PCDHGA3: variants seen among roughly 807,000 people sequenced by gnomAD.
The protein encoded by PCDHGA3 is protocadherin gamma subfamily A, 3.
PCDHGA3 carries 40 observed loss-of-function variants against 58.5 expected under a neutral mutation model. The ratio of observed to expected loss-of-function variants is 0.68; its 90% CI spans 0.53 to 0.89. The LOEUF is 0.89. Among genes scored for constraint, PCDHGA3 ranks in the 40% least tolerant of loss-of-function variants. The probability of loss-of-function intolerance (pLI) is 0.00; values close to 1 mark genes in which losing one functional copy is unlikely to be tolerated. For missense variants in PCDHGA3, 1,223 were observed against 1,195.9 expected (o/e 1.02, Z -0.33); for synonymous variants, 530 against 525.7 (o/e 1.01, Z -0.11).
chr5:141,391,030 G>A (rs2092291091), intron 1 of PCDHGA3: 1 of 152,184 alleles, frequency 6.6e-6, no homozygotes, highest in Non-Finnish European at 1.5e-5. Flanking sequence ...AAAAGACAAT[G>A]TTTTGTGTCT....
At position 141,356,788 on chromosome 5, in the gene PCDHGA3, C is replaced by A. The variant is rs553457447; in HGVS notation, c.2424+10331C>A. 6 of 1,614,038 alleles carry A rather than the reference C, an allele frequency of 3.7e-6. No individual in the cohort carries two copies. Among genetic ancestry groups the A allele is most frequent in the East Asian group, 4.5e-5 (2 of 44,876 alleles). On this transcript the variant is annotated intron_variant, in intron 1 of 3. Coordinates refer to ENST00000253812, the MANE Select transcript of PCDHGA3 (RefSeq NM_018916.4). ...CTATGAGCAGTTTAGAGACCTGCAG[C>A]TGCTGATGACAGCCAGTGACAGTGG...
At chr5:141,389,883 C>A in intron 1 of PCDHGA3, 1 of 1,614,084 alleles carries the variant, frequency 6.2e-7, no homozygotes. Context: ...CGACAGCTTG[C>A]AGGAGGTGCT....
intron 1 of PCDHGA3, among the ~76,000 whole-genome samples, chr5:141,402,590 A>G (rs1379327637): frequency 6.6e-6 from 1 of 152,238 alleles, no homozygotes; most frequent in Admixed American, 6.5e-5. Flanking sequence ...TAAAAAATAG[A>G]TTGCTTTTGA....
intron 1 of PCDHGA3, chr5:141,441,477 C>T (rs529495102): frequency 1.2e-4 from 20 of 170,782 alleles, no homozygotes; most frequent in Middle Eastern, 5.7e-4. Context: ...ATGCCAACGA[C>T]AATGCTCTGG....
At position 141,431,391 on chromosome 5, in the gene PCDHGA3, T is replaced by C; in HGVS notation, c.2425-63416T>C. Reference sequence around the variant, plus strand: ...GAAGAAAAGGCTGCTCACCACCTGGTCCTTACGGCCTCCGACGGGGGCGAC... The same window carrying C: ...GAAGAAAAGGCTGCTCACCACCTGGCCCTTACGGCCTCCGACGGGGGCGAC... On this transcript the variant is annotated intron_variant, in intron 1 of 3. Transcript: ENST00000253812. The surrounding 1 kb of genome is among the most constrained non-coding windows in gnomAD (Gnocchi z 4.8). 1 of 1,613,852 alleles carries C rather than the reference T, an allele frequency of 6.2e-7. No homozygotes were observed.
intron 1 of PCDHGA3, chr5:141,367,919 A>G (rs1225899144): frequency 1.3e-5 from 2 of 152,164 alleles, no homozygotes; most frequent in Non-Finnish European, 2.9e-5. Flanking sequence ...AAAAAAAAGA[A>G]CTCAACTTAA....
intron 1 of PCDHGA3, among the ~76,000 whole-genome samples, chr5:141,470,814 A>T (rs1170059292): frequency 2.6e-5 from 4 of 152,006 alleles, no homozygotes; most frequent in Admixed American, 6.5e-5. Context: ...CAGCCTTCTG[A>T]GTAGTTAGGA....
Position 141,486,885 on chromosome 5 carries a change from G to A in PCDHGA3, c.2425-7922G>A, listed in dbSNP as rs139638334. On this transcript the variant is annotated intron_variant, in intron 1 of 3. Transcript: ENST00000253812. The surrounding 1 kb of genome is among the most constrained non-coding windows in gnomAD (Gnocchi z 5.0). ...CCAGCTGTGCTCCGTCCTCGGGCCC[G>A]GCCTGGTTCCTTATGTCCCCAAGCA... is the stretch of plus-strand genomic sequence containing the variant. 16 of 1,614,076 alleles carry A rather than the reference G, an allele frequency of 9.9e-6. No individual in the cohort carries two copies. The highest frequency in any genetic ancestry group is 1.6e-4 in the Middle Eastern group (1 of 6,084).
chr5:141,494,882 C>T lies in PCDHGA3; in HGVS notation c.2483+17C>T, dbSNP rs771484301. On this transcript the variant is annotated intron_variant, in intron 2 of 3. Transcript: ENST00000253812. ...CACCAGCGGGTAGGTGACTGATTCT[C>T]CAGCCCACCCTCTTCTCTGCGGCAT... is the stretch of plus-strand genomic sequence containing the variant. 35 of 1,614,128 alleles carry T rather than the reference C, an allele frequency of 2.2e-5. No homozygotes were observed. The highest frequency in any genetic ancestry group is 3.3e-4 in the Middle Eastern group (2 of 6,060).
At chr5:141,405,385 A>G in intron 1 of PCDHGA3, 1 of 1,600,058 alleles carries the variant, frequency 6.2e-7, no homozygotes, top group Non-Finnish European at 8.5e-7. Flanking sequence ...CGGTGAGTTC[A>G]TTTTTTTTCT....
At chr5:141,404,437 C>T in intron 1 of PCDHGA3, 3 of 1,613,094 alleles carry the variant, frequency 1.9e-6, no homozygotes, top group Non-Finnish European at 2.5e-6. Context: ...CAGAGGATAC[C>T]ATCCAAGGGT....
intron 1 of PCDHGA3, chr5:141,384,711 G>A (rs765373675): frequency 2.5e-6 from 4 of 1,614,042 alleles, no homozygotes; most frequent in East Asian, 2.2e-5. Flanking sequence ...ACGCCTGGCT[G>A]TCATACCTCC....
At chr5:141,452,412 T>G (rs1009940351) in intron 1 of PCDHGA3, among the ~76,000 whole-genome samples, 2 of 152,222 alleles carry the variant, frequency 1.3e-5, no homozygotes, top group Non-Finnish European at 2.9e-5. Context: ...GTGTGAGGTA[T>G]GCTCACTGCT....
intron 1 of PCDHGA3, chr5:141,383,874 T>C: frequency 1.2e-6 from 2 of 1,614,012 alleles, no homozygotes; most frequent in Non-Finnish European, 1.7e-6. Context: ...AAGATGGTCC[T>C]GGTAGTCTGA....
rs2096271749 is a variant in PCDHGA3, at chr5:141,418,581, T to G, written c.2424+72124T>G. On this transcript the variant is annotated intron_variant, in intron 1 of 3. Coordinates refer to ENST00000253812, the MANE Select transcript of PCDHGA3 (RefSeq NM_018916.4). The stretch of plus-strand genomic sequence containing the variant: ...ATAGATGCCAATGACAACCCCCCAG[T>G]GTTCAGCCAGGACGTGTACAGGGTT... The G allele has an allele frequency of 2.5e-6, 4 of 1,613,854 alleles. No homozygotes were observed. The South Asian group carries it at 4.4e-5, about 18-fold the overall frequency.
At chr5:141,409,863 A>G in intron 1 of PCDHGA3, 3 of 1,612,376 alleles carry the variant, frequency 1.9e-6, no homozygotes, top group Non-Finnish European at 2.5e-6. Flanking sequence ...TTGGTGGGAG[A>G]CCGCAATGAC....
At chr5:141,386,548 G>T (rs1264128780) in intron 1 of PCDHGA3, among the ~76,000 whole-genome samples, 1 of 151,902 alleles carries the variant, frequency 6.6e-6, no homozygotes, top group Non-Finnish European at 1.5e-5. Context: ...GTTGTATTTG[G>T]TAGTATTTTG....
chr5:141,393,613 G>A, intron 1 of PCDHGA3: 1 of 1,613,926 alleles, frequency 6.2e-7, no homozygotes, highest in Non-Finnish European at 8.5e-7. Flanking sequence ...GTAACAGCCA[G>A]CGACCCGGAT....
Position 141,422,656 on chromosome 5 carries a change from G to T in PCDHGA3, c.2425-72151G>T, listed in dbSNP as rs759548203. The T allele has an allele frequency of 7.5e-6, 12 of 1,609,898 alleles. 1 individual carries two copies. The African/African-American group carries it at 1.1e-4, about 14-fold the overall frequency. On this transcript the variant is annotated intron_variant, in intron 1 of 3. Transcript: ENST00000253812. The stretch of plus-strand genomic sequence containing the variant: ...GGGTGCCTCCATCTTCTCAGTGACC[G>T]CCCTCGACCCGGACAGCAAACAGAA...
Sources: gnomAD v4.1 joint callset for allele counts (sites outside exome capture counted in the v4.1 genomes callset) on GRCh38, gnomAD v4.1.1 for gene constraint, Gnocchi (gnomAD v3.1) non-coding constraint, MANE v1.5 for transcripts, NCBI Gene and HGNC (gene_info 2026-07-23, HGNC 2026-07-21) for gene names.